ZNF280D: variants seen among roughly 807,000 people sequenced by gnomAD.
ZNF280D encodes zinc finger protein 280D.
Under a neutral mutation model 94.7 loss-of-function variants are expected in ZNF280D, and 39 were observed. The observed-to-expected ratio is 0.41, with a 90% CI of 0.32 to 0.54. The LOEUF (loss-of-function observed/expected upper bound fraction) is 0.54. ZNF280D is among the 20% of genes least tolerant of loss of function. The probability of loss-of-function intolerance (pLI) is 0.22; values close to 1 mark genes in which losing one functional copy is unlikely to be tolerated. For missense variants in ZNF280D, 1,090 were observed against 1,149.3 expected, an observed-to-expected ratio of 0.95 and a Z score of 0.75; for synonymous variants, 398 against 377.6, an observed-to-expected ratio of 1.05 and a Z score of -0.63.
At chr15:56,639,346 T>C (rs943567288) in intron 20 of ZNF280D, among the ~76,000 whole-genome samples, 2 of 145,698 alleles carry the variant, frequency 1.4e-5, no homozygotes, top group Admixed American at 6.8e-5. Context: ...GTCAGAACAA[T>C]AGGAGTTTCT....
intron 20 of ZNF280D, among the ~76,000 whole-genome samples, chr15:56,637,036 A>T (rs900997560): frequency 2.0e-5 from 3 of 152,176 alleles, no homozygotes; most frequent in South Asian, 2.1e-4. Context: ...GTACTTAACA[A>T]TCCTTCTCCC....
chr15:56,665,192 G>C (rs543738646), intron 16 of ZNF280D, among the ~76,000 whole-genome samples: 1 of 152,258 alleles, frequency 6.6e-6, no homozygotes, highest in South Asian at 2.1e-4. Flanking sequence ...ATCCTTGAAA[G>C]CAGTAGTTGA....
At chr15:56,669,002 A>G (rs747347233) in intron 13 of ZNF280D, 45 bp from the exon 14 acceptor site, 1 of 1,569,146 alleles carries the variant, frequency 6.4e-7, no homozygotes, top group South Asian at 1.2e-5. Flanking sequence ...AATTTCAAAA[A>G]CTACAAATCC....
chr15:56,727,819 T>C (rs1194433423), intron 1 of ZNF280D, among the ~76,000 whole-genome samples: 1 of 152,224 alleles, frequency 6.6e-6, no homozygotes, highest in Non-Finnish European at 1.5e-5. Context: ...ACTGAGTCCT[T>C]GGATGAGTTA....
intron 6 of ZNF280D, chr15:56,698,546 C>A (rs2056881318): frequency 6.6e-6 from 1 of 152,134 alleles, no homozygotes; most frequent in Non-Finnish European, 1.5e-5. Context: ...AAGTGGCCTC[C>A]ATGTAAATGT....
At chr15:56,728,090 G>C (rs1478548280) in intron 1 of ZNF280D, among the ~76,000 whole-genome samples, 1 of 151,832 alleles carries the variant, frequency 6.6e-6, no homozygotes, top group African/African-American at 2.4e-5. Context: ...GGAGTGCAGT[G>C]ACACAATTGC....
Position 56,709,322 on chromosome 15 carries a change from C to G in ZNF280D, c.-85-2016G>C, listed in dbSNP as rs1442288537. On this transcript the variant is annotated intron_variant, in intron 1 of 21. Coordinates refer to ENST00000267807, the MANE Select transcript of ZNF280D (RefSeq NM_017661.4). ...AACCACAATGAGATACCATCTCACA[C>G]CAGTTAGAATGGCAATCATTAAAAA... Among the ~76,000 whole-genome samples the G allele has an allele frequency of 4.0e-5, 6 of 151,392 alleles. No homozygotes were observed. The South Asian group carries it at 1.3e-3, about 32-fold the overall frequency.
chr15:56,724,480 A>G (rs2058533508), intron 1 of ZNF280D, among the ~76,000 whole-genome samples: 1 of 152,196 alleles, frequency 6.6e-6, no homozygotes, highest in South Asian at 2.1e-4. Context: ...CCTGCATTGT[A>G]TAGCCCAAAT....
intron 13 of ZNF280D, among the ~76,000 whole-genome samples, chr15:56,670,009 AAT>A (rs1555407792): frequency 3.4e-4 from 1 of 2,978 alleles, no homozygotes; most frequent in African/African-American, 1.9e-3. Flanking sequence ...ATATATATAT[AAT>A]ATATATATAT....
intron 1 of ZNF280D, among the ~76,000 whole-genome samples, 163 bp downstream of exon 1, chr15:56,733,295 C>G (rs776797802): frequency 5.3e-5 from 8 of 152,020 alleles, no homozygotes; most frequent in Non-Finnish European, 1.0e-4. Context: ...GTCCGGCCGC[C>G]GCCGCGCAGC....
At chr15:56,732,498 G>T (rs1658291557) in intron 1 of ZNF280D, 1 of 152,136 alleles carries the variant, frequency 6.6e-6, no homozygotes, top group Non-Finnish European at 1.5e-5. Flanking sequence ...GGCAGCTTTT[G>T]TGCTTTAAAA....
rs781030243 is a variant in ZNF280D at position 56,642,936 on chromosome 15, G to C, written c.2259+16C>G. On this transcript the variant is annotated intron_variant, in intron 20 of 21. Transcript: ENST00000267807. ...AATGTATAAACCTTTAAGGTATAAA[G>C]TAAAACAAACTTTACCTTAGACACA... is the stretch of plus-strand genomic sequence containing the variant. The C allele has an allele frequency of 1.3e-6, 2 of 1,484,932 alleles. No individual in the cohort carries two copies. The highest frequency in any genetic ancestry group is 2.8e-5 in the South Asian group (2 of 72,140). The allele number at this position is 1,484,932 out of a possible 1,614,324, so 92.0% of individuals were successfully genotyped here.
Position 56,654,492 on chromosome 15 carries a change from A to G in ZNF280D, c.2069T>C (p.Leu690Pro). The change falls in exon 18 of 22, where the codon CTA (leucine) becomes CCA (proline). Residue 690 changes from leucine (L) to proline (P), a missense_variant. This residue lies in a region of ZNF280D where 577 missense variants were observed against 568.8 expected (regional missense o/e 1.01). Coordinates refer to ENST00000267807, the MANE Select transcript of ZNF280D (RefSeq NM_017661.4). ...KHSENLRGIT[L>P]VCLNCDFLSD... The stretch of plus-strand genomic sequence containing the variant: ...TAGGAAATCACAATTAAGGCACACT[A>G]GAGTAATGCCCCTAAAAAAAAAAGC... 1 of 1,582,984 alleles carries G rather than the reference A, an allele frequency of 6.3e-7. No individual in the cohort carries two copies.
At chr15:56,654,986 T>A (rs1171516692) in intron 17 of ZNF280D, 2 of 220,788 alleles carry the variant, frequency 9.1e-6, no homozygotes, top group African/African-American at 2.3e-5. Flanking sequence ...TAGAATCTGG[T>A]GTTTTATTCA....
chr15:56,728,114 C>G (rs1448892539), intron 1 of ZNF280D, among the ~76,000 whole-genome samples: 1 of 152,064 alleles, frequency 6.6e-6, no homozygotes, highest in African/African-American at 2.4e-5. Context: ...TCACTGCAAC[C>G]CAGACCTGAA....
Position 56,631,458 on chromosome 15 carries a change from G to T in ZNF280D, c.*40C>A. 1 of 1,592,182 alleles carries T rather than the reference G, an allele frequency of 6.3e-7. No homozygotes were observed. Among genetic ancestry groups the T allele is most frequent in the South Asian group, 1.1e-5 (1 of 87,366 alleles). On this transcript the variant is annotated 3_prime_UTR_variant, in exon 22 of 22. Coordinates refer to ENST00000267807, the MANE Select transcript of ZNF280D (RefSeq NM_017661.4). ...CTCACCTGATAGCACTGTTCCAAAT[G>T]CCCTTATCGTTGGTACACTGAAACT...
At chr15:56,724,775 T>C in intron 1 of ZNF280D, 1 of 357,814 alleles carries the variant, frequency 2.8e-6, no homozygotes, top group South Asian at 2.2e-5. Context: ...AGACATCTGT[T>C]GTGTATAACT....
chr15:56,693,049 T>G (rs1320368470), intron 7 of ZNF280D, 49 bp downstream of exon 7: 1 of 1,103,996 alleles, frequency 9.1e-7, no homozygotes, highest in Admixed American at 1.9e-5. Flanking sequence ...ATATGCATAT[T>G]CATCAAGTTT....
intron 9 of ZNF280D, among the ~76,000 whole-genome samples, chr15:56,686,208 G>A (rs761912127): frequency 1.3e-5 from 2 of 152,084 alleles, no homozygotes; most frequent in African/African-American, 4.8e-5. Context: ...GTGCCATCTC[G>A]GCTCACTGCA....
Sources: gnomAD v4.1 joint callset for allele counts (sites outside exome capture counted in the v4.1 genomes callset) on GRCh38, gnomAD v4.1.1 for gene constraint, gnomAD v4.1.1 regional missense constraint, MANE v1.5 for transcripts, NCBI Gene and HGNC (gene_info 2026-07-23, HGNC 2026-07-21) for gene names.